GABBR2: variants seen among roughly 807,000 people sequenced by gnomAD.
GABBR2 encodes G-protein coupled receptor 51.
A neutral mutation model predicts 105.6 loss-of-function variants in GABBR2; 23 were observed. That is an observed-to-expected ratio of 0.22 (90% CI 0.16 to 0.31). GABBR2 has a LOEUF of 0.31. Among genes scored for constraint, GABBR2 ranks in the 10% least tolerant of loss-of-function variants. The pLI is 1.00. For synonymous variants in GABBR2, 478 were observed against 499.7 expected (o/e 0.96, Z 0.58); for missense variants, 734 against 1,245.5 (o/e 0.59, Z 6.18).
chr9:98,505,438 G>GTGTA (rs1029070035), intron 3 of GABBR2, among the ~76,000 whole-genome samples: 2 of 151,720 alleles, frequency 1.3e-5, no homozygotes, highest in Non-Finnish European at 2.9e-5. Flanking sequence ...GTGTGTGTGT[G>GTGTA]TGTGTGTGTG....
chr9:98,403,513 C>T (rs1210829162), intron 8 of GABBR2, among the ~76,000 whole-genome samples: 1 of 151,944 alleles, frequency 6.6e-6, no homozygotes, highest in Non-Finnish European at 1.5e-5. Context: ...ACTACTCATC[C>T]CTGGACCTCA....
chr9:98,396,323 C>T (rs899625290), intron 8 of GABBR2, among the ~76,000 whole-genome samples: 25 of 152,218 alleles, frequency 1.6e-4, no homozygotes, highest in African/African-American at 5.8e-4. Context: ...CAAGGCACAC[C>T]CTGAGGAAGT....
At chr9:98,501,804 G>A (rs1280269587) in intron 3 of GABBR2, among the ~76,000 whole-genome samples, 1 of 152,170 alleles carries the variant, frequency 6.6e-6, no homozygotes, top group Admixed American at 6.5e-5. Flanking sequence ...TCAAGTTCTA[G>A]GAAGTCCCAC....
chr9:98,337,766 C>T (rs562416888), intron 13 of GABBR2, among the ~76,000 whole-genome samples: 219 of 152,206 alleles, frequency 1.4e-3, no homozygotes, highest in African/African-American at 4.8e-3. Flanking sequence ...TGTCCAGGGG[C>T]GGTAGCTCAC....
In GABBR2 at chr9:98,290,606, C is replaced by G. The variant is rs760225121; in HGVS notation, c.2804G>C (p.Arg935Pro). The G allele has an allele frequency of 1.4e-6, 2 of 1,414,468 alleles. No individual in the cohort carries two copies. The highest frequency in any genetic ancestry group is 2.0e-4 in the Middle Eastern group (1 of 5,070). The allele number at this position is 1,414,468 out of a possible 1,614,324, so 87.6% of individuals were successfully genotyped here. ...PRHRHVPPSFRVMVSGL is the reference protein window; with the variant it reads ...PRHRHVPPSFPVMVSGL ...CCCTTACAGGCCCGAGACCATGACT[C>G]GGAAGGAGGGTGGCACATGTCTGTG... The change falls in exon 19 of 19, where the codon CGA becomes CCA. Residue 935 changes from arginine to proline, a missense_variant. Arg to Pro is a moderately radical substitution (Grantham distance 103). This residue lies in a region of GABBR2 where 134 missense variants were observed against 171.2 expected (regional missense o/e 0.78). Transcript: ENST00000259455.
rs191054030 is a variant in GABBR2, at chr9:98,472,424, A to G, written c.999+722T>C. 1.9e-3 allele frequency among the ~76,000 whole-genome samples: 297 copies of G among 152,350 alleles called. 2 individuals are homozygous for G. Among genetic ancestry groups the G allele is most frequent in the African/African-American group, 6.5e-3 (272 of 41,596 alleles). On this transcript the variant is annotated intron_variant, in intron 6 of 18. Transcript: ENST00000259455. ...AGCATGCAGAGGCCCTGAGGCTGACACACCCTGTCCAAGGTCCTGCTCACA... is the reference window on the plus strand; with the variant it reads ...AGCATGCAGAGGCCCTGAGGCTGACGCACCCTGTCCAAGGTCCTGCTCACA...
chr9:98,660,471 G>A (rs1208878095), intron 1 of GABBR2, among the ~76,000 whole-genome samples: 1 of 152,204 alleles, frequency 6.6e-6, no homozygotes, highest in Non-Finnish European at 1.5e-5. Context: ...ACATATTTGT[G>A]ACTAAGTTCC....
rs1830499452 is a variant in GABBR2 at position 98,303,324 on chromosome 9, C to T, written c.2329G>A (p.Val777Ile). Reference sequence around the variant, plus strand: ...GTGCTGGCTTGGTTCACACTGGTGACCGAGGTGGACGTTTTAGAATCTTCT... The same window carrying T: ...GTGCTGGCTTGGTTCACACTGGTGATCGAGGTGGACGTTTTAGAATCTTCT... ...KKEDSKTSTS[V>I]TSVNQASTSR... Residue 777 changes from valine to isoleucine, a missense_variant, in exon 16 of 19, where the codon GTC (valine) becomes ATC (isoleucine). Val to Ile is a conservative substitution (Grantham distance 29). Around this residue, in one of 7 missense-constraint regions of GABBR2, gnomAD observed 91 missense variants for 185.9 expected, o/e 0.49. Coordinates refer to ENST00000259455, the MANE Select transcript of GABBR2 (RefSeq NM_005458.8). 1 of 1,614,158 alleles carries T rather than the reference C, an allele frequency of 6.2e-7. No individual in the cohort carries two copies. The highest frequency in any genetic ancestry group is 8.5e-7 in the Non-Finnish European group (1 of 1,179,982).
intron 1 of GABBR2, among the ~76,000 whole-genome samples, chr9:98,647,638 G>C (rs146780630): frequency 6.6e-6 from 1 of 152,216 alleles, no homozygotes; most frequent in Non-Finnish European, 1.5e-5. Flanking sequence ...AGTGCTGGAT[G>C]TACCAGTTTT....
At chr9:98,576,743 C>T (rs982886984) in intron 2 of GABBR2, among the ~76,000 whole-genome samples, 3 of 152,174 alleles carry the variant, frequency 2.0e-5, no homozygotes, top group African/African-American at 7.2e-5. Flanking sequence ...CCATATACAA[C>T]CTTAATAATA....
chr9:98,333,537 G>C (rs1222167119), intron 13 of GABBR2, among the ~76,000 whole-genome samples: 1 of 152,068 alleles, frequency 6.6e-6, no homozygotes, highest in African/African-American at 2.4e-5. Flanking sequence ...ATCTCCGCAT[G>C]GCCTTCTCCC....
chr9:98,702,860 T>C (rs886675983), intron 1 of GABBR2, among the ~76,000 whole-genome samples: 4 of 152,222 alleles, frequency 2.6e-5, no homozygotes, highest in African/African-American at 9.6e-5. Context: ...CCTTTGTGGC[T>C]ATTTGTGATC....
intron 1 of GABBR2, among the ~76,000 whole-genome samples, chr9:98,704,034 T>G (rs947643197): frequency 1.3e-5 from 2 of 152,100 alleles, no homozygotes; most frequent in Admixed American, 6.6e-5. Context: ...ATTCTCTACC[T>G]TGCATTAGAA....
chr9:98,531,803 T>G (rs772456995), intron 3 of GABBR2, among the ~76,000 whole-genome samples: 16 of 152,262 alleles, frequency 1.1e-4, no homozygotes, highest in Non-Finnish European at 2.1e-4. Flanking sequence ...ATTGATTATC[T>G]GCTTTAGATC....
At chr9:98,313,405 G>C (rs1830665118) in intron 13 of GABBR2, among the ~76,000 whole-genome samples, 1 of 152,158 alleles carries the variant, frequency 6.6e-6, no homozygotes, top group South Asian at 2.1e-4. Context: ...CTGTCTGTCT[G>C]TCTAGATAAG....
chr9:98,607,756 A>G, intron 1 of GABBR2: 3 of 778,100 alleles, frequency 3.9e-6, no homozygotes, highest in Non-Finnish European at 7.1e-6. Flanking sequence ...CTACAGAAGC[A>G]GAAAACTGGC....
At chr9:98,401,250 C>A (rs986754899) in intron 8 of GABBR2, among the ~76,000 whole-genome samples, 1 of 152,118 alleles carries the variant, frequency 6.6e-6, no homozygotes, top group African/African-American at 2.4e-5. Flanking sequence ...AGCTTCTTTG[C>A]CTATCTGTCA....
chr9:98,291,239 G>T (rs530633304), intron 18 of GABBR2, among the ~76,000 whole-genome samples: 53 of 152,282 alleles, frequency 3.5e-4, no homozygotes, highest in African/African-American at 1.3e-3. Context: ...ATAAAAAAGT[G>T]TTAAATATCT....
intron 3 of GABBR2, among the ~76,000 whole-genome samples, chr9:98,515,637 A>G (rs1436777312): frequency 4.6e-5 from 7 of 151,944 alleles, no homozygotes; most frequent in Admixed American, 4.6e-4. Flanking sequence ...CAGACAGCAA[A>G]AGGCATAGGT....
Sources: gnomAD v4.1 joint callset for allele counts (sites outside exome capture counted in the v4.1 genomes callset) on GRCh38, gnomAD v4.1.1 for gene constraint, gnomAD v4.1.1 regional missense constraint, MANE v1.5 for transcripts, NCBI Gene and HGNC (gene_info 2026-07-23, HGNC 2026-07-21) for gene names.